Variants in CLSTN1 observed in about 807,000 individuals in gnomAD.
CLSTN1 encodes the protein calsyntenin-1.
Under a neutral mutation model 108.3 loss-of-function variants are expected in CLSTN1, and 28 were observed. The ratio of observed to expected loss-of-function variants is 0.26; its 90% CI spans 0.19 to 0.35. The LOEUF (loss-of-function observed/expected upper bound fraction) is 0.35, where lower values mean the gene tolerates loss of function less well. Among genes scored for constraint, CLSTN1 ranks in the 10% least tolerant of loss-of-function variants. The pLI is 1.00. For synonymous variants in CLSTN1, 524 were observed against 534.9 expected (o/e 0.98, Z 0.28); for missense variants, 1,157 against 1,302.6 (o/e 0.89, Z 1.72).
At chr1:9,783,999 A>G (rs1018387785) in intron 1 of CLSTN1, among the ~76,000 whole-genome samples, 1 of 150,556 alleles carries the variant, frequency 6.6e-6, no homozygotes, top group Non-Finnish European at 1.5e-5. Flanking sequence ...ATCTCAAAAA[A>G]TAATAATAAT....
intron 2 of CLSTN1, among the ~76,000 whole-genome samples, chr1:9,762,603 G>A (rs958008275): frequency 7.0e-6 from 1 of 142,060 alleles, no homozygotes; most frequent in African/African-American, 2.7e-5. Context: ...TGCTCCACTC[G>A]GCCTTGGTGC....
intron 1 of CLSTN1, among the ~76,000 whole-genome samples, chr1:9,775,534 G>A (rs1652897538): frequency 1.3e-5 from 2 of 151,768 alleles, no homozygotes; most frequent in Admixed American, 1.3e-4. Flanking sequence ...CGTCCTCCTG[G>A]TAGCCATGAA....
At chr1:9,737,705 G>T in intron 10 of CLSTN1, 151 bp from the exon 11 acceptor site, 1 of 674,060 alleles carries the variant, frequency 1.5e-6, no homozygotes, top group South Asian at 1.9e-5. Context: ...CCATCTGGAC[G>T]CAAGCTTGTA....
intron 1 of CLSTN1, among the ~76,000 whole-genome samples, chr1:9,779,495 T>C (rs548409383): frequency 3.7e-4 from 56 of 152,186 alleles, no homozygotes; most frequent in Non-Finnish European, 7.6e-4. Context: ...AGGTGGAGGT[T>C]GCAGTGAGCC....
intron 10 of CLSTN1, among the ~76,000 whole-genome samples, chr1:9,739,026 A>G (rs1053331842): frequency 4.6e-5 from 7 of 152,166 alleles, no homozygotes; most frequent in African/African-American, 1.7e-4. Flanking sequence ...AAAAGTAATT[A>G]ATGATGATGA....
chr1:9,736,264 G>T (rs937976204), intron 11 of CLSTN1, among the ~76,000 whole-genome samples: 7 of 152,182 alleles, frequency 4.6e-5, no homozygotes, highest in African/African-American at 1.7e-4. Flanking sequence ...AGAGTTGGGG[G>T]TGTCTCACCT....
intron 13 of CLSTN1, 51 bp downstream of exon 13, chr1:9,735,416 A>G (rs558721526): frequency 1.9e-6 from 3 of 1,613,062 alleles, no homozygotes; most frequent in Non-Finnish European, 2.5e-6. Flanking sequence ...AAACCTAAAT[A>G]TACAAGTGTC....
Position 9,741,199 on chromosome 1 carries a change from G to A in CLSTN1, c.1414C>T (p.Leu472Phe). Residue 472 changes from leucine to phenylalanine, a missense_variant, in exon 10 of 19, where the codon CTC (leucine) becomes TTC (phenylalanine). Transcript: ENST00000377298. ...VLNVEFPSVT[L>F]YVDGTSHEPF... ...TCGTGGGACGTGCCATCCACATAGA[G>A]AGTCACACTCGGGAATTCTACATTG... is the stretch of plus-strand genomic sequence containing the variant. The A allele has an allele frequency of 1.2e-6, 2 of 1,614,054 alleles. No homozygotes were observed. The highest frequency in any genetic ancestry group is 1.7e-6 in the Non-Finnish European group (2 of 1,179,968).
rs1413270363 is a variant in CLSTN1 at position 9,731,983 on chromosome 1, C to G, written c.2428-87G>C. ...AGTGGAGTCCCGCAGCTGGCATGAC[C>G]AGTGCCACTCAGAGTGGCTCCTGGA... On this transcript the variant is annotated intron_variant, in intron 16 of 18. Coordinates refer to ENST00000377298, the MANE Select transcript of CLSTN1 (RefSeq NM_001009566.3). 28 of 1,526,526 alleles carry G rather than the reference C, an allele frequency of 1.8e-5. No individual in the cohort carries two copies. In the East Asian group the frequency reaches 6.4e-4, roughly 35 times the overall value. 94.6% of individuals were successfully genotyped at this position (1,526,526 alleles called of 1,614,324 possible). A position where few individuals can be genotyped will look rare whatever the true frequency, so the allele number is the denominator to read the frequency against.
intron 1 of CLSTN1, among the ~76,000 whole-genome samples, chr1:9,778,998 G>A (rs376134562): frequency 3.3e-5 from 5 of 151,652 alleles, no homozygotes; most frequent in African/African-American, 1.2e-4. Context: ...ACTCCAGCCT[G>A]GGAGAGAAGC....
intron 2 of CLSTN1, among the ~76,000 whole-genome samples, chr1:9,770,236 T>C (rs1257689990): frequency 6.6e-6 from 1 of 152,198 alleles, no homozygotes. Flanking sequence ...TTAAAATACA[T>C]ATCACAACAT....
chr1:9,764,163 A>G (rs1335327163), intron 2 of CLSTN1, among the ~76,000 whole-genome samples: 2 of 151,660 alleles, frequency 1.3e-5, no homozygotes, highest in African/African-American at 2.4e-5. Context: ...GAGGAGGAGG[A>G]GCAACCACAG....
chr1:9,784,347 TA>T (rs963621935), intron 1 of CLSTN1, among the ~76,000 whole-genome samples: 33 of 131,078 alleles, frequency 2.5e-4, no homozygotes, highest in Admixed American at 3.1e-4. Flanking sequence ...CCCTCTTGAA[TA>T]AAAAAAAAAA....
chr1:9,774,244 C>T (rs1652829166), intron 1 of CLSTN1, among the ~76,000 whole-genome samples: 1 of 151,850 alleles, frequency 6.6e-6, no homozygotes, highest in African/African-American at 2.4e-5. Context: ...TCAGAAAAAC[C>T]CACCACTTGA....
chr1:9,754,693 T>TA (rs1570455720), intron 4 of CLSTN1, among the ~76,000 whole-genome samples: 1 of 151,640 alleles, frequency 6.6e-6, no homozygotes, highest in East Asian at 1.9e-4. Flanking sequence ...CCATCTCTAC[T>TA]AAAAATACAA....
chr1:9,741,769 G>T (rs1043070580), intron 9 of CLSTN1, among the ~76,000 whole-genome samples: 1 of 152,086 alleles, frequency 6.6e-6, no homozygotes, highest in African/African-American at 2.4e-5. Context: ...AAAATTAGCC[G>T]GGTGTGGTGG....
At chr1:9,747,539 G>C (rs1031017503) in intron 7 of CLSTN1, among the ~76,000 whole-genome samples, 1 of 151,866 alleles carries the variant, frequency 6.6e-6, no homozygotes, top group Admixed American at 6.6e-5. Flanking sequence ...GTCTAGCTTT[G>C]TCACCTAGGC....
At chr1:9,801,337 T>C (rs1024752287) in intron 1 of CLSTN1, among the ~76,000 whole-genome samples, 1 of 152,182 alleles carries the variant, frequency 6.6e-6, no homozygotes, top group African/African-American at 2.4e-5. Flanking sequence ...GAAGATACAA[T>C]CTGCCAAAAC....
chr1:9,779,539 G>A (rs1238752366), intron 1 of CLSTN1, among the ~76,000 whole-genome samples: 1 of 152,064 alleles, frequency 6.6e-6, no homozygotes, highest in African/African-American at 2.4e-5. Context: ...AGAAACCATG[G>A]AGTTTGACTC....
Sources: gnomAD v4.1 joint callset for allele counts (sites outside exome capture counted in the v4.1 genomes callset) on GRCh38, gnomAD v4.1.1 for gene constraint, MANE v1.5 for transcripts, NCBI Gene and HGNC (gene_info 2026-07-23, HGNC 2026-07-21) for gene names.